Variants in MAP4K5 observed in about 807,000 individuals in gnomAD.
The protein encoded by MAP4K5 is mitogen-activated protein kinase kinase kinase kinase 5, also known as MAPK/ERK kinase kinase kinase 5.
MAP4K5 carries 82 observed loss-of-function variants against 135.6 expected under a neutral mutation model. The ratio of observed to expected loss-of-function variants is 0.60; its 90% confidence interval spans 0.51 to 0.73. The LOEUF (loss-of-function observed/expected upper bound fraction) is 0.73, where lower values mean the gene tolerates loss of function less well. MAP4K5 is among the 30% of genes least tolerant of loss of function. The pLI is 0.00. For missense variants in MAP4K5, 907 were observed against 1,010.9 expected, an observed-to-expected ratio of 0.90 and a Z score of 1.39; for synonymous variants, 347 against 335.0, an observed-to-expected ratio of 1.04 and a Z score of -0.39.
intron 1 of MAP4K5, among the ~76,000 whole-genome samples, chr14:50,553,168 T>C (rs1256800630): frequency 1.3e-5 from 2 of 151,142 alleles, no homozygotes; most frequent in South Asian, 2.1e-4. Flanking sequence ...TGGTGGTGTG[T>C]GCCTGTAGTC....
chr14:50,532,572 TCGCCGCCGCCGC>T (rs531110683), upstream of MAP4K5: 1 of 150,210 alleles, frequency 6.7e-6, no homozygotes, highest in Non-Finnish European at 1.5e-5. Flanking sequence ...GCGCGTACAG[TCGCCGCCGCCGC>T]CGCCGCCGCA....
chr14:50,449,344 A>G (rs2036431472), intron 14 of MAP4K5: 1 of 152,274 alleles, frequency 6.6e-6, no homozygotes, highest in Non-Finnish European at 1.5e-5. Context: ...CTTCAGAGTT[A>G]TTCAAAATAT....
chr14:50,425,490 T>C (rs1345410273), intron 31 of MAP4K5, among the ~76,000 whole-genome samples: 1 of 152,230 alleles, frequency 6.6e-6, no homozygotes, highest in African/African-American at 2.4e-5. Context: ...TGGTACTCAA[T>C]AGTTACTAAA....
intron 13 of MAP4K5, among the ~76,000 whole-genome samples, chr14:50,461,418 A>AAAAT (rs560777389): frequency 9.7e-4 from 147 of 152,262 alleles, no homozygotes; most frequent in African/African-American, 2.8e-3. Context: ...AAAGGGAAAT[A>AAAAT]AAATAAATAA....
chr14:50,492,383 G>C (rs2037502623), intron 3 of MAP4K5, among the ~76,000 whole-genome samples: 1 of 152,048 alleles, frequency 6.6e-6, no homozygotes, highest in African/African-American at 2.4e-5. Context: ...TATGAGCCCA[G>C]GAGTTCAAGA....
chr14:50,445,129 A>T lies in MAP4K5; in HGVS notation c.1251T>A (p.His417Gln), dbSNP rs200783525. The change falls in exon 18 of 33, where the codon CAT (histidine) becomes CAA (glutamine). Residue 417 changes from histidine (H) to glutamine (Q), a missense_variant. By Grantham distance (24) the His-to-Gln change is conservative. Around this residue, in one of 3 missense-constraint regions of MAP4K5, gnomAD observed 690 missense variants for 777.4 expected, o/e 0.89. Transcript: ENST00000682126. ...PDEEKASTIK[H>Q]CPDSESRAPQ... ...GAGCTCTGCTTTCTGAATCAGGACA[A>T]TGTTTTATGGTTGATGCTTTTTCTT... is the stretch of plus-strand genomic sequence containing the variant. 1.4e-4 allele frequency: 221 copies of T among 1,613,634 alleles called. No homozygotes were observed. The highest frequency in any genetic ancestry group is 5.2e-4 in the Admixed American group (31 of 59,984).
In MAP4K5 at chr14:50,440,060, T is replaced by C. The variant is rs1160113817; in HGVS notation, c.1658A>G (p.Lys553Arg). The C allele has an allele frequency of 6.6e-7, 1 of 1,523,804 alleles. No individual in the cohort carries two copies. The highest frequency in any genetic ancestry group is 1.2e-5 in the South Asian group (1 of 82,140). The allele number at this position is 1,523,804 out of a possible 1,614,324, so 94.4% of individuals were successfully genotyped here. ...EATMEQLFPR[K>R]CTWLYVINNT... The stretch of plus-strand genomic sequence containing the variant: ...ATTGATAACATACAGCCAAGTACAC[T>C]TCCGTGGAAATAACTAAGAAAAAGA... Residue 553 changes from lysine (K) to arginine (R), a missense_variant, in exon 23 of 33, where the codon AAG (lysine) becomes AGG (arginine). Transcript: ENST00000682126.
At chr14:50,527,472 TTCAA>T (rs2038292768) in intron 2 of MAP4K5, among the ~76,000 whole-genome samples, 1 of 152,104 alleles carries the variant, frequency 6.6e-6, no homozygotes, top group Non-Finnish European at 1.5e-5. Flanking sequence ...TGCTGGTCAT[TTCAA>T]TCAAACAGAA....
rs563084991 is a variant in MAP4K5 at position 50,456,638 on chromosome 14, G to A, written c.937-44C>T. The stretch of plus-strand genomic sequence containing the variant: ...TATATATACTTTAACAAATTTCAAT[G>A]AGAAAGTTAAAAGGTCAAACTTTCT... On this transcript the variant is annotated intron_variant, in intron 13 of 32. Coordinates refer to ENST00000682126, the MANE Select transcript of MAP4K5 (RefSeq NM_006575.6). The A allele has an allele frequency of 5.5e-6, 7 of 1,270,928 alleles. No homozygotes were observed. The East Asian group carries it at 1.1e-4, about 19-fold the overall frequency. The allele number at this position is 1,270,928 out of a possible 1,614,324, so 78.7% of individuals were successfully genotyped here.
chr14:50,532,301 G>C, intron 1 of MAP4K5, 143 bp from the exon 2 acceptor site: 1 of 430,354 alleles, frequency 2.3e-6, no homozygotes, highest in South Asian at 3.7e-5. Flanking sequence ...CCGGCGCCCC[G>C]TATCCCCGTT....
chr14:50,430,387 G>C (rs2035942321), intron 28 of MAP4K5, among the ~76,000 whole-genome samples: 1 of 152,212 alleles, frequency 6.6e-6, no homozygotes, highest in African/African-American at 2.4e-5. Flanking sequence ...ACTCTCTAGA[G>C]ACACTGAGGT....
intron 14 of MAP4K5, among the ~76,000 whole-genome samples, chr14:50,452,375 G>T (rs978140537): frequency 2.0e-5 from 3 of 152,094 alleles, no homozygotes; most frequent in Non-Finnish European, 4.4e-5. Context: ...AGGGTTTTTT[G>T]TTGTTGTTTT....
intron 2 of MAP4K5, among the ~76,000 whole-genome samples, chr14:50,524,608 GC>G (rs1226652521): frequency 6.7e-6 from 1 of 148,798 alleles, no homozygotes; most frequent in Non-Finnish European, 1.5e-5. Context: ...GGACAGAAAA[GC>G]CCCCCCACCG....
intron 31 of MAP4K5, among the ~76,000 whole-genome samples, chr14:50,424,934 CTT>C (rs2035814035): frequency 1.3e-5 from 2 of 152,046 alleles, no homozygotes; most frequent in African/African-American, 2.4e-5. Flanking sequence ...ACTAGATAAA[CTT>C]ATATATTCAA....
chr14:50,484,673 A>G (rs1178109330), intron 5 of MAP4K5, among the ~76,000 whole-genome samples: 1 of 152,168 alleles, frequency 6.6e-6, no homozygotes, highest in Non-Finnish European at 1.5e-5. Flanking sequence ...ACAGTATTCC[A>G]TATTACAGGT....
chr14:50,467,745 G>C (rs1345864094), intron 10 of MAP4K5, among the ~76,000 whole-genome samples: 1 of 152,006 alleles, frequency 6.6e-6, no homozygotes. Flanking sequence ...TTTTCCAAAA[G>C]GTCTGTACTT....
chr14:50,437,992 G>A lies in MAP4K5; in HGVS notation c.1725C>T (p.Leu575=), dbSNP rs540339833. Residue 575 remains leucine, a synonymous_variant, in exon 25 of 33, where the codon CTC becomes CTT. Coordinates refer to ENST00000682126, the MANE Select transcript of MAP4K5 (RefSeq NM_006575.6). ...ACAAAGCTATAAGATTGTGAGAGTA[G>A]AGCTGAAAGGTTTTTCCTATAAAAG... ...MSLSEGKTFQ[L]YSHNLIALFE... The A allele has an allele frequency of 6.3e-7, 1 of 1,599,960 alleles. No individual in the cohort carries two copies. Among genetic ancestry groups the A allele is most frequent in the South Asian group, 1.1e-5 (1 of 90,676 alleles).
rs2038192333 is a variant in MAP4K5 at position 50,523,398 on chromosome 14, T to C, written c.108+8544A>G. ...AGGCATGGTGATGGCCATGCTTGTGTCTTAGATAATATGCCTGCCCCTAAG... is the reference window on the plus strand; with the variant it reads ...AGGCATGGTGATGGCCATGCTTGTGCCTTAGATAATATGCCTGCCCCTAAG... On this transcript the variant is annotated intron_variant, in intron 2 of 32. Coordinates refer to ENST00000682126, the MANE Select transcript of MAP4K5 (RefSeq NM_006575.6). 2.0e-5 allele frequency among the ~76,000 whole-genome samples: 3 copies of C among 152,256 alleles called. No homozygotes were observed. In the South Asian group the frequency reaches 6.2e-4, roughly 32 times the overall value.
chr14:50,478,756 A>G (rs1489331531), intron 6 of MAP4K5, among the ~76,000 whole-genome samples: 1 of 152,048 alleles, frequency 6.6e-6, no homozygotes, highest in African/African-American at 2.4e-5. Context: ...TTGTTCTTTC[A>G]GTGTTTGTAA....
Sources: allele counts gnomAD v4.1 joint callset (sites outside exome capture counted in the v4.1 genomes callset), GRCh38; gene constraint gnomAD v4.1.1; regional missense constraint gnomAD v4.1.1; transcripts MANE v1.5; gene names NCBI Gene and HGNC (gene_info 2026-07-23, HGNC 2026-07-21).